The following L3MBTL4 variants were observed in gnomAD, a reference collection of about 807,000 sequenced individuals.
The protein encoded by L3MBTL4 is lethal(3)malignant brain tumor-like protein 4.
A neutral mutation model predicts 84.5 loss-of-function variants in L3MBTL4; 70 were observed. That is an observed-to-expected ratio of 0.83 (90% CI 0.68 to 1.01). The LOEUF (loss-of-function observed/expected upper bound fraction) is 1.01, where lower values mean the gene tolerates loss of function less well. Among genes scored for constraint, L3MBTL4 ranks in the 50% least tolerant of loss-of-function variants. L3MBTL4 has a pLI of 0.00. For missense variants in L3MBTL4, 715 were observed against 754.8 expected (o/e 0.95, Z 0.62); for synonymous variants, 274 against 259.8 (o/e 1.05, Z -0.52).
At chr18:6,174,391 G>A (rs1238725179) in intron 12 of L3MBTL4, among the ~76,000 whole-genome samples, 1 of 152,066 alleles carries the variant, frequency 6.6e-6, no homozygotes, top group Admixed American at 6.6e-5. Flanking sequence ...GAGAATTTCA[G>A]GAGAGAAATG....
At chr18:6,403,825 T>C (rs944741368) in intron 1 of L3MBTL4, among the ~76,000 whole-genome samples, 3 of 152,044 alleles carry the variant, frequency 2.0e-5, no homozygotes, top group African/African-American at 7.2e-5. Context: ...AATTCACAAC[T>C]GCAAAAATAT....
intron 11 of L3MBTL4, among the ~76,000 whole-genome samples, chr18:6,214,433 C>CA (rs2046241523): frequency 6.6e-6 from 1 of 152,164 alleles, no homozygotes; most frequent in Non-Finnish European, 1.5e-5. Flanking sequence ...TATAGGTTGG[C>CA]AAAAAGTTTC....
chr18:6,292,697 T>C (rs1398484190), intron 4 of L3MBTL4, among the ~76,000 whole-genome samples: 1 of 152,202 alleles, frequency 6.6e-6, no homozygotes, highest in Admixed American at 6.5e-5. Flanking sequence ...GTTAATCACA[T>C]AAACTGGGTC....
At chr18:6,152,024 A>C (rs1356386189) in intron 13 of L3MBTL4, among the ~76,000 whole-genome samples, 1 of 152,108 alleles carries the variant, frequency 6.6e-6, no homozygotes. Context: ...AGCATAAAGC[A>C]CTCCAGTTTA....
chr18:6,191,428 A>C (rs2045080709), intron 12 of L3MBTL4, among the ~76,000 whole-genome samples: 1 of 152,186 alleles, frequency 6.6e-6, no homozygotes, highest in Non-Finnish European at 1.5e-5. Context: ...GCGATGGGAA[A>C]GACGGAATGG....
At chr18:6,244,262 G>A (rs1407258600) in intron 6 of L3MBTL4, among the ~76,000 whole-genome samples, 1 of 152,098 alleles carries the variant, frequency 6.6e-6, no homozygotes, top group African/African-American at 2.4e-5. Flanking sequence ...TACCAATTAA[G>A]TCAAGAATAA....
intron 16 of L3MBTL4, among the ~76,000 whole-genome samples, chr18:6,016,913 G>T (rs2055011299): frequency 6.6e-6 from 1 of 152,152 alleles, no homozygotes; most frequent in South Asian, 2.1e-4. Context: ...TGGGGAAGGG[G>T]CATGGAGAAG....
intron 13 of L3MBTL4, among the ~76,000 whole-genome samples, chr18:6,170,858 T>C (rs991825569): frequency 2.0e-5 from 3 of 152,124 alleles, no homozygotes; most frequent in Non-Finnish European, 4.4e-5. Flanking sequence ...CCTTCCCTAC[T>C]TGGAGTCCCC....
At chr18:6,113,952 T>C (rs73938739) in intron 14 of L3MBTL4, among the ~76,000 whole-genome samples, 3,591 of 152,286 alleles carry the variant, frequency 0.024, 149 homozygotes, top group African/African-American at 0.082. Context: ...TAAGACCTAA[T>C]CCAAATGAAA....
chr18:6,349,067 T>C (rs570570752), intron 1 of L3MBTL4, among the ~76,000 whole-genome samples: 2 of 152,170 alleles, frequency 1.3e-5, no homozygotes, highest in African/African-American at 2.4e-5. Flanking sequence ...AAGAAGCAAT[T>C]AAAACTCTCG....
At chr18:6,071,672 A>G (rs1220382893) in intron 16 of L3MBTL4, among the ~76,000 whole-genome samples, 1 of 123,926 alleles carries the variant, frequency 8.1e-6, no homozygotes, top group Non-Finnish European at 1.7e-5. Context: ...AAAGAAGGAA[A>G]AAAAGAAAGA....
At chr18:6,004,749 A>G (rs1399212446) in intron 16 of L3MBTL4, among the ~76,000 whole-genome samples, 1 of 152,224 alleles carries the variant, frequency 6.6e-6, no homozygotes, top group Non-Finnish European at 1.5e-5. Flanking sequence ...TGAACACAAA[A>G]GGACAAATAT....
At chr18:6,221,585 AC>A (rs2046556150) in intron 10 of L3MBTL4, among the ~76,000 whole-genome samples, 1 of 152,162 alleles carries the variant, frequency 6.6e-6, no homozygotes, top group Non-Finnish European at 1.5e-5. Context: ...GTGTCTCCTG[AC>A]TTGCAATTTG....
intron 3 of L3MBTL4, among the ~76,000 whole-genome samples, chr18:6,302,483 A>C (rs1036154403): frequency 1.3e-5 from 2 of 152,264 alleles, no homozygotes; most frequent in African/African-American, 4.8e-5. Flanking sequence ...AAGCACACGC[A>C]GCAAGCAAGA....
chr18:6,368,320 T>A (rs1192491405), intron 1 of L3MBTL4, among the ~76,000 whole-genome samples: 2 of 152,050 alleles, frequency 1.3e-5, no homozygotes, highest in Non-Finnish European at 2.9e-5. Flanking sequence ...CACCAGAAGA[T>A]CTTTGTTGAG....
chr18:6,249,433 C>G (rs1159618935), intron 5 of L3MBTL4, among the ~76,000 whole-genome samples: 1 of 152,110 alleles, frequency 6.6e-6, no homozygotes, highest in Admixed American at 6.5e-5. Context: ...TACTTCCCAG[C>G]CAGAAGTTAA....
chr18:6,341,072 ATC>A, intron 1 of L3MBTL4, among the ~76,000 whole-genome samples: 1 of 152,044 alleles, frequency 6.6e-6, no homozygotes, highest in Non-Finnish European at 1.5e-5. Context: ...GACCTCCAGA[ATC>A]TAGAGAGTCT....
At chr18:6,406,071 T>G (rs559820135) in intron 1 of L3MBTL4, among the ~76,000 whole-genome samples, 1 of 152,234 alleles carries the variant, frequency 6.6e-6, no homozygotes, top group African/African-American at 2.4e-5. Context: ...TAAGTATTAA[T>G]TATTACTCTA....
At chr18:6,130,697 A>C (rs1442645327) in intron 14 of L3MBTL4, among the ~76,000 whole-genome samples, 1 of 152,182 alleles carries the variant, frequency 6.6e-6, no homozygotes, top group African/African-American at 2.4e-5. Flanking sequence ...TGGAAAAAAA[A>C]ATTTCGTATC....
Sources: allele counts gnomAD v4.1 joint callset (sites outside exome capture counted in the v4.1 genomes callset), GRCh38; gene constraint gnomAD v4.1.1; transcripts MANE v1.5; gene names NCBI Gene and HGNC (gene_info 2026-07-23, HGNC 2026-07-21).